The following AOPEP variants were observed in gnomAD, a reference collection of about 807,000 sequenced individuals.
The protein encoded by AOPEP is aminopeptidase O (putative).
In AOPEP, 77 loss-of-function variants were observed where a neutral mutation model predicts 98.1. The observed-to-expected ratio is 0.78, with a 90% confidence interval of 0.65 to 0.95. The LOEUF (loss-of-function observed/expected upper bound fraction) is 0.95, where lower values mean the gene tolerates loss of function less well. Among genes scored for constraint, AOPEP ranks in the 40% least tolerant of loss-of-function variants. The probability of loss-of-function intolerance (pLI) is 0.00; values close to 1 mark genes in which losing one functional copy is unlikely to be tolerated. For synonymous variants in AOPEP, 346 were observed against 365.3 expected (o/e 0.95, Z 0.60); for missense variants, 1,024 against 1,024.7 (o/e 1.00, Z 0.01).
intron 7 of AOPEP, among the ~76,000 whole-genome samples, chr9:94,952,718 C>T (rs2137888870): frequency 6.6e-6 from 1 of 152,368 alleles, no homozygotes; most frequent in South Asian, 2.1e-4. Flanking sequence ...GTCATTTCCT[C>T]CTAGAAACCA....
At chr9:94,975,822 G>A (rs958206240) in intron 10 of AOPEP, among the ~76,000 whole-genome samples, 49 of 152,224 alleles carry the variant, frequency 3.2e-4, no homozygotes, top group Non-Finnish European at 6.6e-4. Flanking sequence ...GGCAGGGCCC[G>A]GTAGCAGGGA....
At chr9:94,943,752 C>T (rs13291338) in intron 7 of AOPEP, among the ~76,000 whole-genome samples, 2 of 151,188 alleles carry the variant, frequency 1.3e-5, no homozygotes, top group Non-Finnish European at 1.5e-5. Flanking sequence ...AACCCCATCT[C>T]TGCTAAACAT....
At chr9:95,100,384 C>T in the AOPEP span, 1 of 231,192 alleles carries the variant, frequency 4.3e-6, no homozygotes, top group Admixed American at 5.7e-5. Flanking sequence ...ATTAGCATTG[C>T]CACATACCAA....
intron 5 of AOPEP, among the ~76,000 whole-genome samples, chr9:94,832,220 G>GA (rs1856121288): frequency 6.6e-6 from 1 of 151,938 alleles, no homozygotes; most frequent in South Asian, 2.1e-4. Context: ...AAACAGAATA[G>GA]AAAAAACAAC....
rs186449641 is a variant in AOPEP at position 95,000,205 on chromosome 9, G to A, written c.1978-4953G>A. On this transcript the variant is annotated intron_variant, in intron 11 of 16. Transcript: ENST00000375315. ...GCAAATAAAAATAATACAAATAACA[G>A]GTAAAAACAAACCAGCTGATCAAGT... is the stretch of plus-strand genomic sequence containing the variant. Among the ~76,000 whole-genome samples the A allele has an allele frequency of 8.5e-5, 13 of 152,218 alleles. No individual in the cohort carries two copies. In the East Asian group the frequency reaches 2.5e-3, roughly 29 times the overall value.
intron 13 of AOPEP, among the ~76,000 whole-genome samples, chr9:95,017,022 A>T (rs1366274532): frequency 6.7e-6 from 1 of 150,276 alleles, no homozygotes; most frequent in African/African-American, 2.4e-5. Context: ...ATTTATGTAT[A>T]TATAAAATGT....
At position 94,923,974 on chromosome 9, in the gene AOPEP, C is replaced by G; in HGVS notation, c.1365-12C>G. On this transcript the variant is annotated splice_polypyrimidine_tract_variant and intron_variant, in intron 5 of 16. Coordinates refer to ENST00000375315, the MANE Select transcript of AOPEP (RefSeq NM_001193329.3). ...ACAAGACTCTGTGCATTTTCTCCCC[C>G]ATTATCCACAGCCCACACATCATGT... 2.2e-6 allele frequency: 3 copies of G among 1,391,386 alleles called. No homozygotes were observed. The highest frequency in any genetic ancestry group is 2.8e-6 in the Non-Finnish European group (3 of 1,061,396). The allele number at this position is 1,391,386 out of a possible 1,614,324, so 86.2% of individuals were successfully genotyped here. A position where few individuals can be genotyped will look rare whatever the true frequency, so the allele number is the denominator to read the frequency against.
chr9:94,860,367 G>A lies in AOPEP; in HGVS notation c.1364+59365G>A, dbSNP rs1408841528. Among the ~76,000 whole-genome samples, 2 of 152,098 alleles carry A rather than the reference G, an allele frequency of 1.3e-5. 1 individual carries two copies. ...ATCTGAGCTTCATTCTGAGCGTATT[G>A]GGAAGCCCAGCAGGTTTAAGCAGTG... On this transcript the variant is annotated intron_variant, in intron 5 of 16. Transcript: ENST00000375315.
chr9:94,893,380 G>T lies in AOPEP; in HGVS notation c.1365-30606G>T, dbSNP rs895889623. On this transcript the variant is annotated intron_variant, in intron 5 of 16. Coordinates refer to ENST00000375315, the MANE Select transcript of AOPEP (RefSeq NM_001193329.3). ...ATGAGTCTAGTCAGTGAGGGCACGG[G>T]AGGAGTGAAGGAGGGGTCAGGAAGG... Among the ~76,000 whole-genome samples the T allele has an allele frequency of 5.9e-5, 9 of 152,172 alleles. No individual in the cohort carries two copies. In the East Asian group the frequency reaches 1.3e-3, roughly 23 times the overall value.
intron 9 of AOPEP, among the ~76,000 whole-genome samples, chr9:94,961,912 C>T (rs1406495383): frequency 6.6e-6 from 1 of 152,174 alleles, no homozygotes; most frequent in African/African-American, 2.4e-5. Context: ...CCTGACCTTT[C>T]GTTTATTCTC....
At chr9:94,844,306 C>T (rs537222084) in intron 5 of AOPEP, among the ~76,000 whole-genome samples, 12 of 152,174 alleles carry the variant, frequency 7.9e-5, no homozygotes, top group Admixed American at 4.6e-4. Context: ...TGAGAAGCCC[C>T]CCATACCCTT....
At chr9:95,096,731 G>A in the AOPEP span, among the ~76,000 whole-genome samples, 1 of 152,220 alleles carries the variant, frequency 6.6e-6, no homozygotes, top group African/African-American at 2.4e-5. Context: ...GCAGCCACGG[G>A]GGCCCTTTCA....
intron 5 of AOPEP, among the ~76,000 whole-genome samples, chr9:94,832,439 G>A (rs953219744): frequency 1.3e-5 from 2 of 152,198 alleles, no homozygotes; most frequent in African/African-American, 2.4e-5. Flanking sequence ...TGCAGGGGAA[G>A]CGTCAATGCA....
intron 13 of AOPEP, among the ~76,000 whole-genome samples, chr9:95,060,237 G>A (rs746230276): frequency 1.3e-5 from 2 of 152,168 alleles, no homozygotes; most frequent in Non-Finnish European, 2.9e-5. Flanking sequence ...TGTGCAGCAG[G>A]TATATTTGCA....
chr9:95,147,191 T>A, the AOPEP span, among the ~76,000 whole-genome samples: 1 of 152,190 alleles, frequency 6.6e-6, no homozygotes, highest in East Asian at 1.9e-4. Context: ...GATTAAAAGA[T>A]TCAATTTCTC....
intron 13 of AOPEP, among the ~76,000 whole-genome samples, chr9:95,039,529 C>T (rs554418918): frequency 2.4e-4 from 36 of 152,194 alleles, no homozygotes; most frequent in Non-Finnish European, 4.4e-4. Context: ...GCTGTGTTCA[C>T]ACCACTGCAC....
At position 94,742,817 on chromosome 9, in the gene AOPEP, TTTTTTC is replaced by T. The variant is rs367908243; in HGVS notation, c.-136+16078_-136+16083del. On this transcript the variant is annotated intron_variant, in intron 1 of 16. Transcript: ENST00000375315. Reference sequence around the variant, plus strand: ...AAATTTGGGGCATGTAATTTTGTGTTTTTTTCTTTTTCTTTTTAGTGATCTATTTTT... The same window carrying T: ...AAATTTGGGGCATGTAATTTTGTGTTTTTTTCTTTTTAGTGATCTATTTTT... Among the ~76,000 whole-genome samples, 443 of 152,298 alleles carry T rather than the reference TTTTTTC, an allele frequency of 2.9e-3. 1 individual carries two copies. The highest frequency in any genetic ancestry group is 9.7e-3 in the African/African-American group (404 of 41,566).
chr9:94,790,598 G>C (rs1202397355), intron 3 of AOPEP, among the ~76,000 whole-genome samples: 1 of 152,028 alleles, frequency 6.6e-6, no homozygotes, highest in Non-Finnish European at 1.5e-5. Flanking sequence ...CACATCTTTT[G>C]TCTCTCTCTT....
intron 5 of AOPEP, among the ~76,000 whole-genome samples, chr9:94,830,596 A>G (rs1217806984): frequency 3.3e-5 from 5 of 152,198 alleles, no homozygotes; most frequent in Non-Finnish European, 7.3e-5. Context: ...GTCGAATGGT[A>G]TTTCTGCTTC....
Sources: allele counts gnomAD v4.1 joint callset (sites outside exome capture counted in the v4.1 genomes callset), GRCh38; gene constraint gnomAD v4.1.1; transcripts MANE v1.5; gene names NCBI Gene and HGNC (gene_info 2026-07-23, HGNC 2026-07-21).